Variants in CYLC2 observed in about 807,000 individuals in gnomAD.
The protein encoded by CYLC2 is cylicin-2.
A neutral mutation model predicts 26.1 loss-of-function variants in CYLC2; 30 were observed. The observed-to-expected ratio is 1.15, with a 90% CI of 0.86 to 1.56. The LOEUF is 1.56. Ranked by LOEUF, CYLC2 falls within the 40% of genes most tolerant of loss-of-function variation. The pLI is 0.00. For synonymous variants in CYLC2, 158 were observed against 132.8 expected (o/e 1.19, Z -1.31); for missense variants, 498 against 394.4 (o/e 1.26, Z -2.23).
At chr9:103,009,841 A>G (rs1293327026) in intron 5 of CYLC2, among the ~76,000 whole-genome samples, 1 of 151,790 alleles carries the variant, frequency 6.6e-6, no homozygotes, top group Non-Finnish European at 1.5e-5. Flanking sequence ...CAACACTTTT[A>G]TCTTTGTAAT....
intron 5 of CYLC2, among the ~76,000 whole-genome samples, chr9:103,006,810 TTAGA>T (rs1263837903): frequency 6.6e-6 from 1 of 152,126 alleles, no homozygotes; most frequent in Non-Finnish European, 1.5e-5. Flanking sequence ...CAAATTATAA[TTAGA>T]TAGGAGGAAT....
chr9:103,016,449 A>C (rs779006395), intron 6 of CYLC2, among the ~76,000 whole-genome samples: 1 of 152,016 alleles, frequency 6.6e-6, no homozygotes, highest in Admixed American at 6.6e-5. Context: ...GATTTTAATA[A>C]ATTATAATTT....
rs1178432236 is a variant in CYLC2, at chr9:103,005,162, A to T, written c.531A>T (p.Glu177Asp). 1.2e-6 allele frequency: 2 copies of T among 1,605,948 alleles called. No individual in the cohort carries two copies. Among genetic ancestry groups the T allele is most frequent in the African/African-American group, 2.7e-5 (2 of 73,956 alleles). ...AGAAGGGCAAAGACTCAGCAACAGA[A>T]TCTGAAGATGAAAAAGGAGGTGCAA... is the stretch of plus-strand genomic sequence containing the variant. ...DAEKGKDSAT[E>D]SEDEKGGAKK... Residue 177 changes from glutamate to aspartate, a missense_variant, in exon 5 of 8, where the codon GAA (glutamate) becomes GAT (aspartate). Transcript: ENST00000374798.
intron 1 of CYLC2, among the ~76,000 whole-genome samples, chr9:103,000,604 A>G (rs572146922): frequency 1.3e-5 from 2 of 152,182 alleles, no homozygotes; most frequent in Admixed American, 6.5e-5. Context: ...AATATTATTC[A>G]GCTAATACAA....
intron 6 of CYLC2, among the ~76,000 whole-genome samples, chr9:103,014,626 C>G (rs1439571549): frequency 4.9e-5 from 7 of 141,754 alleles, no homozygotes; most frequent in African/African-American, 1.6e-4. Flanking sequence ...GTATATTATG[C>G]AGTATACATC....
intron 1 of CYLC2, among the ~76,000 whole-genome samples, chr9:102,998,352 C>G (rs1829257261): frequency 6.6e-6 from 1 of 151,682 alleles, no homozygotes; most frequent in South Asian, 2.1e-4. Flanking sequence ...ATAAATATAT[C>G]TCAAAATAAA....
intron 5 of CYLC2, among the ~76,000 whole-genome samples, chr9:103,009,313 C>G (rs994608587): frequency 6.6e-6 from 1 of 152,072 alleles, no homozygotes; most frequent in East Asian, 1.9e-4. Flanking sequence ...TCAGGTGATT[C>G]TACCACCTCA....
chr9:103,015,453 ATT>A (rs936690549), intron 6 of CYLC2, among the ~76,000 whole-genome samples: 1 of 137,466 alleles, frequency 7.3e-6, no homozygotes, highest in Non-Finnish European at 1.5e-5. Flanking sequence ...TAATATATAT[ATT>A]ATATAATTAT....
chr9:103,003,165 T>C lies in CYLC2; in HGVS notation c.82T>C (p.Trp28Arg), dbSNP rs1319164885. Residue 28 changes from tryptophan to arginine, a missense_variant, in exon 3 of 8, where the codon TGG becomes CGG. Coordinates refer to ENST00000374798, the MANE Select transcript of CYLC2 (RefSeq NM_001340.5). ...IPVSELSKKS[W>R]NQQHFALLFP... ...AGTCAGTGAATTAAGCAAAAAATCA[T>C]GGAATCAGCAACACTTTGCCCTGTT... The C allele has an allele frequency of 3.1e-6, 5 of 1,613,622 alleles. No homozygotes were observed. The highest frequency in any genetic ancestry group is 4.2e-6 in the Non-Finnish European group (5 of 1,179,792).
chr9:103,014,412 A>T lies in CYLC2; in HGVS notation c.*816+2315A>T, dbSNP rs571322239. Among the ~76,000 whole-genome samples the T allele has an allele frequency of 9.3e-3, 670 of 72,112 alleles. 5 individuals are homozygous for T. The highest frequency in any genetic ancestry group is 0.028 in the African/African-American group (635 of 22,614). The allele number at this position is 72,112 out of a possible 152,430, so 47.3% of individuals were successfully genotyped here. A position where few individuals can be genotyped will look rare whatever the true frequency, so the allele number is the denominator to read the frequency against. On this transcript the variant is annotated intron_variant, in intron 6 of 7. Transcript: ENST00000374798. ...AATATAACATAATGTATGTTACGTA[A>T]TGTAACATAATAACATAATGTATAT... is the stretch of plus-strand genomic sequence containing the variant.
intron 5 of CYLC2, among the ~76,000 whole-genome samples, chr9:103,006,616 G>A (rs1322419152): frequency 2.6e-5 from 4 of 151,778 alleles, no homozygotes; most frequent in African/African-American, 9.7e-5. Context: ...GGGTTTCACC[G>A]TGTTAGCCAA....
chr9:103,003,465 G>A (rs189253776), intron 3 of CYLC2, among the ~76,000 whole-genome samples: 309 of 152,174 alleles, frequency 2.0e-3, no homozygotes, highest in Non-Finnish European at 2.9e-3. Context: ...GTAGTCCAAT[G>A]AGGCTATTAA....
At chr9:103,013,245 A>C (rs1457746813) in intron 6 of CYLC2, among the ~76,000 whole-genome samples, 1 of 111,464 alleles carries the variant, frequency 9.0e-6, no homozygotes, top group Admixed American at 1.1e-4. Context: ...ATAACATGTA[A>C]ATATATATTT....
chr9:103,005,567 T>C lies in CYLC2; in HGVS notation c.936T>C (p.Ser312=), dbSNP rs1248838979. The C allele has an allele frequency of 1.2e-6, 2 of 1,608,770 alleles. No homozygotes were observed. Among genetic ancestry groups the C allele is most frequent in the Non-Finnish European group, 1.7e-6 (2 of 1,176,696 alleles). Residue 312 remains serine, a synonymous_variant, in exon 5 of 8, where the codon TCT becomes TCC. Transcript: ENST00000374798. ...KVAKKDTEKE[S]ADSKKDAKKN... The stretch of plus-strand genomic sequence containing the variant: ...CCAAGAAAGATACTGAGAAAGAATC[T>C]GCTGATTCAAAGAAGGATGCAAAGA...
At chr9:103,006,615 C>G (rs1387731176) in intron 5 of CYLC2, among the ~76,000 whole-genome samples, 4 of 151,936 alleles carry the variant, frequency 2.6e-5, no homozygotes, top group Non-Finnish European at 5.9e-5. Context: ...GGGGTTTCAC[C>G]GTGTTAGCCA....
In CYLC2 at chr9:103,005,593, A is replaced by T; in HGVS notation, c.962A>T (p.Lys321Ile). ...ESADSKKDAK[K>I]NAKKDAKKDA... ...GCTGATTCAAAGAAGGATGCAAAGA[A>T]AAATGCTAAGAAGGATGCAAAGAAG... is the stretch of plus-strand genomic sequence containing the variant. Residue 321 changes from lysine to isoleucine, a missense_variant, in exon 5 of 8, where the codon AAA becomes ATA. Transcript: ENST00000374798. 1 of 1,610,940 alleles carries T rather than the reference A, an allele frequency of 6.2e-7. No homozygotes were observed. Among genetic ancestry groups the T allele is most frequent in the Non-Finnish European group, 8.5e-7 (1 of 1,177,940 alleles).
intron 6 of CYLC2, among the ~76,000 whole-genome samples, chr9:103,014,922 T>TGTATATTATGTAGTATACATAATAC (rs2118274283): frequency 7.5e-6 from 1 of 133,710 alleles, no homozygotes; most frequent in Non-Finnish European, 1.6e-5. Flanking sequence ...ATACATAATA[T>TGTATATTATGTAGTATACATAATAC]GTATATTATG....
intron 1 of CYLC2, among the ~76,000 whole-genome samples, chr9:102,996,907 C>T (rs57839515): frequency 0.1 from 15,300 of 151,878 alleles, 983 homozygotes; most frequent in Non-Finnish European, 0.13. Context: ...CAACTCAGCC[C>T]ATTTATAATG....
chr9:103,016,906 ATTT>A lies in CYLC2; in HGVS notation c.*836_*838del, dbSNP rs1829512232. 1 of 152,014 alleles carries A rather than the reference ATTT, an allele frequency of 6.6e-6. No homozygotes were observed. The highest frequency in any genetic ancestry group is 2.4e-5 in the African/African-American group (1 of 41,434). The allele number at this position is 152,014 out of a possible 1,614,324, so 9.4% of individuals were successfully genotyped here. A position where few individuals can be genotyped will look rare whatever the true frequency, so the allele number is the denominator to read the frequency against. On this transcript the variant is annotated 3_prime_UTR_variant, in exon 7 of 8. Transcript: ENST00000374798. ...TTGAAAGGGAAGGAAAATAGCTGGC[ATTT>A]CTTGCTGGAGAAAGTTATCACAAGT...
Sources: gnomAD v4.1 joint callset for allele counts (sites outside exome capture counted in the v4.1 genomes callset) on GRCh38, gnomAD v4.1.1 for gene constraint, MANE v1.5 for transcripts, NCBI Gene and HGNC (gene_info 2026-07-23, HGNC 2026-07-21) for gene names.